Variants in RGS3 observed in about 807,000 individuals in gnomAD.
RGS3 encodes the protein regulator of G-protein signalling 3.
Under a neutral mutation model 132.6 loss-of-function variants are expected in RGS3, and 80 were observed. The ratio of observed to expected loss-of-function variants is 0.60; its 90% CI spans 0.50 to 0.73. RGS3 has a LOEUF of 0.73. Ranked by LOEUF, RGS3 falls within the 30% of genes least tolerant of loss-of-function variation. The probability of loss-of-function intolerance (pLI) is 0.00; values close to 1 mark genes in which losing one functional copy is unlikely to be tolerated. For synonymous variants in RGS3, 598 were observed against 620.6 expected, an observed-to-expected ratio of 0.96 and a Z score of 0.54; for missense variants, 1,382 against 1,530.8, an observed-to-expected ratio of 0.90 and a Z score of 1.62.
At chr9:113,559,871 A>G (rs1171328357) in intron 19 of RGS3, among the ~76,000 whole-genome samples, 1 of 152,222 alleles carries the variant, frequency 6.6e-6, no homozygotes, top group African/African-American at 2.4e-5. Context: ...TAACCTTCTC[A>G]AGGTGAATTC....
chr9:113,468,353 T>C (rs1222643331), intron 3 of RGS3, among the ~76,000 whole-genome samples: 3 of 152,242 alleles, frequency 2.0e-5, no homozygotes, highest in African/African-American at 7.2e-5. Context: ...TGAAAATCAA[T>C]TGCCCATAAA....
chr9:113,526,150 T>C (rs1418811558), intron 17 of RGS3, among the ~76,000 whole-genome samples: 1 of 152,246 alleles, frequency 6.6e-6, no homozygotes, highest in Non-Finnish European at 1.5e-5. Flanking sequence ...ATAGTGTGTC[T>C]TTCTGGCCTG....
intron 17 of RGS3, among the ~76,000 whole-genome samples, chr9:113,528,148 CT>C (rs1832299800): frequency 6.6e-6 from 1 of 152,198 alleles, no homozygotes; most frequent in South Asian, 2.1e-4. Context: ...GCATGGAGCA[CT>C]GTGGTGCGCT....
chr9:113,444,879 G>T (rs1455808263), exon 1 of RGS3: 1 of 152,206 alleles, frequency 6.6e-6, no homozygotes, highest in East Asian at 1.9e-4. Context: ...AGGAGTACTC[G>T]TGAACCCCTT....
chr9:113,517,226 G>A (rs757121029), intron 15 of RGS3: 10 of 522,162 alleles, frequency 1.9e-5, no homozygotes, highest in South Asian at 9.2e-5. Flanking sequence ...CCAGTGCAGT[G>A]GGGGGTGAGA....
Position 113,594,541 on chromosome 9 carries a change from C to T in RGS3, c.3182+10C>T. ...TGATGAAGTCATTCAAGTAGGTCCTCCCTGGCACCCTGGGACCCTTTGGGG... is the reference window on the plus strand; with the variant it reads ...TGATGAAGTCATTCAAGTAGGTCCTTCCTGGCACCCTGGGACCCTTTGGGG... On this transcript the variant is annotated intron_variant, in intron 22 of 24. Coordinates refer to ENST00000350696, the Ensembl canonical transcript of RGS3. The T allele has an allele frequency of 1.2e-6, 2 of 1,608,092 alleles. No homozygotes were observed. Among genetic ancestry groups the T allele is most frequent in the Non-Finnish European group, 1.7e-6 (2 of 1,175,488 alleles).
At chr9:113,451,188 G>GA (rs1204091741) in intron 1 of RGS3, among the ~76,000 whole-genome samples, 4,181 of 108,398 alleles carry the variant, frequency 0.039, 63 homozygotes, top group Non-Finnish European at 0.049. Context: ...CAAAAAAAAA[G>GA]AAAAAAAAAA....
chr9:113,567,056 T>C (rs1834044455), intron 19 of RGS3, among the ~76,000 whole-genome samples: 1 of 152,266 alleles, frequency 6.6e-6, no homozygotes, highest in African/African-American at 2.4e-5. Context: ...ATTGTGAGGA[T>C]GAGGCAGTTG....
chr9:113,572,183 C>T (rs1409203979), intron 19 of RGS3, among the ~76,000 whole-genome samples: 1 of 152,048 alleles, frequency 6.6e-6, no homozygotes, highest in Admixed American at 6.6e-5. Context: ...GGGGGCAGAA[C>T]ACACAGGGTT....
chr9:113,472,742 C>G (rs546478658), intron 3 of RGS3, among the ~76,000 whole-genome samples: 6 of 152,206 alleles, frequency 3.9e-5, no homozygotes, highest in African/African-American at 1.2e-4. Flanking sequence ...AAGAAAATTA[C>G]ATGCTTTAAA....
chr9:113,500,288 A>G (rs571897203), intron 10 of RGS3, among the ~76,000 whole-genome samples: 1 of 152,138 alleles, frequency 6.6e-6, no homozygotes, highest in African/African-American at 2.4e-5. Context: ...AGGTGGGGAG[A>G]TGGAGGCCCA....
intron 7 of RGS3, among the ~76,000 whole-genome samples, chr9:113,486,632 A>G (rs893074707): frequency 6.6e-6 from 1 of 152,230 alleles, no homozygotes; most frequent in African/African-American, 2.4e-5. Flanking sequence ...GGGATACCCC[A>G]TGGTCAGTAT....
intron 19 of RGS3, among the ~76,000 whole-genome samples, chr9:113,543,718 G>A (rs763849220): frequency 3.1e-4 from 47 of 152,330 alleles, no homozygotes; most frequent in Non-Finnish European, 5.4e-4. Context: ...CAGAGGACAG[G>A]AGCTCTGGCC....
At chr9:113,485,724 T>A in intron 7 of RGS3, 31 bp downstream of exon 5, 1 of 1,536,904 alleles carries the variant, frequency 6.5e-7, no homozygotes, top group African/African-American at 1.4e-5. Flanking sequence ...GGAGGGGGAC[T>A]CTGCTCTGGG....
At position 113,534,112 on chromosome 9, in the gene RGS3, T is replaced by C. The variant is rs1588212820; in HGVS notation, c.1915-2684T>C. On this transcript the variant is annotated intron_variant, in intron 18 of 24. Transcript: ENST00000350696. ...CTCTGAAGGGTGGCATTCCTGAGGG[T>C]TGGGTTGGATGCAGGGTAGAAGAAG... Among the ~76,000 whole-genome samples, 4 of 152,182 alleles carry C rather than the reference T, an allele frequency of 2.6e-5. No individual in the cohort carries two copies. The South Asian group carries it at 8.3e-4, about 32-fold the overall frequency.
chr9:113,461,785 C>T (rs772216825), exon 2 of RGS3: 4 of 1,614,190 alleles, frequency 2.5e-6, no homozygotes, highest in Non-Finnish European at 3.4e-6. Flanking sequence ...GCAGGTTGCT[C>T]ACAGCCTCTG....
rs1297863650 is a variant in RGS3, at chr9:113,565,274, A to G, written c.2038-18176A>G. 10 of 1,289,258 alleles carry G rather than the reference A, an allele frequency of 7.8e-6. No homozygotes were observed. Among genetic ancestry groups the G allele is most frequent in the Non-Finnish European group, 1.0e-5 (10 of 988,642 alleles). The allele number at this position is 1,289,258 out of a possible 1,614,324, so 79.9% of individuals were successfully genotyped here. Reference sequence around the variant, plus strand: ...CATCCCGGACTCCATCTCGGATGAAAGTGCTTTGAGAAACCACAGAGTTTT... The same window carrying G: ...CATCCCGGACTCCATCTCGGATGAAGGTGCTTTGAGAAACCACAGAGTTTT... On this transcript the variant is annotated intron_variant, in intron 19 of 24. Coordinates refer to ENST00000350696, the Ensembl canonical transcript of RGS3. The surrounding 1 kb of genome is among the most constrained non-coding windows in gnomAD (Gnocchi z 5.7).
intron 3 of RGS3, among the ~76,000 whole-genome samples, chr9:113,471,033 A>G (rs1336898966): frequency 1.3e-5 from 2 of 152,146 alleles, no homozygotes; most frequent in African/African-American, 4.8e-5. Context: ...TTTCTTCTCA[A>G]TGCAGACCTA....
intron 20 of RGS3, among the ~76,000 whole-genome samples, chr9:113,587,408 A>G (rs551752405): frequency 7.0e-4 from 107 of 152,304 alleles, no homozygotes; most frequent in African/African-American, 2.4e-3. Context: ...GGAGTCAGAC[A>G]GACCCAGGTT....
Sources: gnomAD v4.1 joint callset for allele counts (sites outside exome capture counted in the v4.1 genomes callset) on GRCh38, gnomAD v4.1.1 for gene constraint, Gnocchi (gnomAD v3.1) non-coding constraint, MANE v1.5 for transcripts, NCBI Gene and HGNC (gene_info 2026-07-23, HGNC 2026-07-21) for gene names.